SLC35E2B: variants seen among roughly 807,000 people sequenced by gnomAD.
SLC35E2B encodes the protein solute carrier family 35, member E2B.
SLC35E2B carries 18 observed loss-of-function variants against 32.4 expected under a neutral mutation model. That is an observed-to-expected ratio of 0.56 (90% CI 0.38 to 0.82). The LOEUF is 0.82. Ranked by LOEUF, SLC35E2B falls within the 40% of genes least tolerant of loss-of-function variation. SLC35E2B has a pLI of 0.00. For synonymous variants in SLC35E2B, 132 were observed against 209.1 expected, an observed-to-expected ratio of 0.63 and a Z score of 3.18; for missense variants, 263 against 469.5, an observed-to-expected ratio of 0.56 and a Z score of 4.06.
intron 2 of SLC35E2B, among the ~76,000 whole-genome samples, chr1:1,681,724 G>T (rs1009705006): frequency 1.3e-5 from 2 of 150,300 alleles, no homozygotes. Context: ...GGTGGCTCAC[G>T]CCTGTAATCC....
In SLC35E2B at chr1:1,670,267, GC is replaced by G. The variant is rs2101095885; in HGVS notation, c.708-117del. The G allele has an allele frequency of 9.6e-6, 7 of 729,024 alleles. No homozygotes were observed. The South Asian group carries it at 1.1e-4, about 12-fold the overall frequency. 45.2% of individuals were successfully genotyped at this position (729,024 alleles called of 1,614,324 possible). A position where few individuals can be genotyped will look rare whatever the true frequency, so the allele number is the denominator to read the frequency against. ...GCGACAATGACCAGACCTCAGTGGTGCCCGCCACCACGCCTGGTTACTTTTT... is the reference window on the plus strand; with the variant it reads ...GCGACAATGACCAGACCTCAGTGGTGCCGCCACCACGCCTGGTTACTTTTT... On this transcript the variant is annotated intron_variant, in intron 6 of 9. Coordinates refer to ENST00000617444, the MANE Select transcript of SLC35E2B (RefSeq NM_001290264.2).
intron 9 of SLC35E2B, among the ~76,000 whole-genome samples, chr1:1,666,667 C>T (rs1046702825): frequency 5.3e-5 from 8 of 151,464 alleles, no homozygotes; most frequent in Admixed American, 5.2e-4. Flanking sequence ...CGTGGGGGCT[C>T]ATGTCTGTAA....
intron 2 of SLC35E2B, among the ~76,000 whole-genome samples, chr1:1,681,417 C>G (rs1283592735): frequency 1.3e-5 from 2 of 151,396 alleles, no homozygotes; most frequent in Non-Finnish European, 2.9e-5. Flanking sequence ...CCATGTTACC[C>G]AGGATGGTCT....
In SLC35E2B at chr1:1,684,804, A is replaced by C. The variant is rs1434905187; in HGVS notation, c.-148+6172T>G. ...GACTCCATCTCAAAAAAAAAAAAAA[A>C]AAAAAAAAAACAGGACAGCCAGCGG... On this transcript the variant is annotated intron_variant, in intron 2 of 9. Transcript: ENST00000617444. Among the ~76,000 whole-genome samples the C allele has an allele frequency of 6.1e-5, 9 of 147,742 alleles. 1 individual carries two copies. The highest frequency in any genetic ancestry group is 2.1e-4 in the South Asian group (1 of 4,670).
intron 2 of SLC35E2B, among the ~76,000 whole-genome samples, chr1:1,689,009 A>G (rs892924826): frequency 1.3e-5 from 2 of 151,982 alleles, no homozygotes; most frequent in Admixed American, 1.3e-4. Flanking sequence ...GTCTCTACCA[A>G]AAATACAAAA....
chr1:1,692,338 G>C (rs1644024351), intron 1 of SLC35E2B, 111 bp downstream of exon 1: 1 of 930,516 alleles, frequency 1.1e-6, no homozygotes, highest in South Asian at 4.7e-5. Flanking sequence ...GGAAACCCCG[G>C]ACGCCCGCAC....
At chr1:1,681,381 A>AT (rs1290064097) in intron 2 of SLC35E2B, among the ~76,000 whole-genome samples, 6 of 149,576 alleles carry the variant, frequency 4.0e-5, no homozygotes, top group Non-Finnish European at 7.4e-5. Flanking sequence ...TTTTTTTTGT[A>AT]TTTTTTTAGT....
At chr1:1,689,059 C>A (rs1346732341) in intron 2 of SLC35E2B, among the ~76,000 whole-genome samples, 4 of 151,952 alleles carry the variant, frequency 2.6e-5, no homozygotes, top group Middle Eastern at 3.4e-3. Flanking sequence ...GTAGTCCCAA[C>A]TACACAGGAG....
At chr1:1,669,853 G>T in intron 7 of SLC35E2B, 117 bp from the exon 8 acceptor site, 1 of 1,112,658 alleles carries the variant, frequency 9.0e-7, no homozygotes, top group Non-Finnish European at 1.3e-6. Context: ...ATTCTCTCTA[G>T]ACAGGACTAG....
chr1:1,679,129 CAGCG>C (rs2101108902), intron 2 of SLC35E2B, among the ~76,000 whole-genome samples: 1 of 152,302 alleles, frequency 6.6e-6, no homozygotes, highest in African/African-American at 2.4e-5. Context: ...CTGCCACCAC[CAGCG>C]AGTTTCTAAA....
chr1:1,692,420 G>A (rs1339742443), intron 1 of SLC35E2B, 29 bp downstream of exon 1: 6 of 992,740 alleles, frequency 6.0e-6, no homozygotes, highest in African/African-American at 5.3e-5. Context: ...ACCGATCACC[G>A]AGCAGAGCAC....
rs1371489695 is a variant in SLC35E2B at position 1,690,423 on chromosome 1, C to G, written c.-148+553G>C. Among the ~76,000 whole-genome samples, 2 of 148,808 alleles carry G rather than the reference C, an allele frequency of 1.3e-5. 1 individual carries two copies. Among genetic ancestry groups the G allele is most frequent in the East Asian group, 3.9e-4 (2 of 5,084 alleles). ...GAAAGTATAAAGAATTCCTACAAAC[C>G]AAGTAGAAAAACAGGCAAAAAAAAA... On this transcript the variant is annotated intron_variant, in intron 2 of 9. Transcript: ENST00000617444.
At chr1:1,690,427 T>A in intron 2 of SLC35E2B, among the ~76,000 whole-genome samples, 1 of 145,958 alleles carries the variant, frequency 6.9e-6, no homozygotes, top group African/African-American at 2.5e-5. Flanking sequence ...ACAAACCAAG[T>A]AGAAAAACAG....
chr1:1,687,321 A>T (rs923403288), intron 2 of SLC35E2B, among the ~76,000 whole-genome samples: 2 of 152,310 alleles, frequency 1.3e-5, no homozygotes, highest in African/African-American at 4.8e-5. Context: ...TCACGCCTGT[A>T]ATCCTAGCAC....
Position 1,664,608 on chromosome 1 carries a change from C to G in SLC35E2B, c.*1174G>C. 1.2e-6 allele frequency: 1 copy of G among 813,000 alleles called. No individual in the cohort carries two copies. Among genetic ancestry groups the G allele is most frequent in the Non-Finnish European group, 1.5e-6 (1 of 675,508 alleles). 50.4% of individuals were successfully genotyped at this position (813,000 alleles called of 1,614,324 possible). ...CCACTCCTCAGGCCTCCTGCGCCCT[C>G]GGGGGTGCGTGACACAGGAGGATGA... On this transcript the variant is annotated 3_prime_UTR_variant, in exon 10 of 10. Transcript: ENST00000617444.
intron 2 of SLC35E2B, among the ~76,000 whole-genome samples, chr1:1,681,566 G>T (rs1394350282): frequency 6.6e-6 from 1 of 150,730 alleles, no homozygotes; most frequent in African/African-American, 2.4e-5. Context: ...GAGTGCAGTG[G>T]CACAATCTCA....
chr1:1,681,342 C>T (rs558465018), intron 2 of SLC35E2B, among the ~76,000 whole-genome samples: 41 of 152,016 alleles, frequency 2.7e-4, no homozygotes, highest in Admixed American at 2.2e-3. Context: ...GGACTACAGG[C>T]GCCCGCCACC....
rs938575059 is a variant in SLC35E2B at position 1,663,563 on chromosome 1, G to A, written c.*2219C>T. On this transcript the variant is annotated 3_prime_UTR_variant, in exon 10 of 10. Transcript: ENST00000617444. ...TTGGCTCACTGCAACCTCCATCTCC[G>A]GGGTTCAAACAATTCTCCTGCCTCA... is the stretch of plus-strand genomic sequence containing the variant. 18 of 373,946 alleles carry A rather than the reference G, an allele frequency of 4.8e-5. 1 individual carries two copies. The highest frequency in any genetic ancestry group is 2.1e-4 in the African/African-American group (10 of 47,508). 23.2% of individuals were successfully genotyped at this position (373,946 alleles called of 1,614,324 possible).
At chr1:1,671,874 A>G (rs1643703659) in intron 5 of SLC35E2B, 1 of 337,642 alleles carries the variant, frequency 3.0e-6, no homozygotes, top group East Asian at 5.2e-5. Flanking sequence ...CCAGAGACTG[A>G]GCCCCAGCCA....
Sources: gnomAD v4.1 joint callset for allele counts (sites outside exome capture counted in the v4.1 genomes callset) on GRCh38, gnomAD v4.1.1 for gene constraint, MANE v1.5 for transcripts, NCBI Gene and HGNC (gene_info 2026-07-23, HGNC 2026-07-21) for gene names.